The following CHRNG variants were observed in gnomAD, a reference collection of about 807,000 sequenced individuals.
CHRNG encodes the protein cholinergic receptor nicotinic gamma subunit.
A neutral mutation model predicts 65.2 loss-of-function variants in CHRNG; 72 were observed. The observed-to-expected ratio is 1.10, with a 90% CI of 0.91 to 1.34. The LOEUF (loss-of-function observed/expected upper bound fraction) is 1.34. CHRNG is among the 40% of genes most tolerant of loss of function. CHRNG has a pLI of 0.00. For synonymous variants in CHRNG, 284 were observed against 290.2 expected, an observed-to-expected ratio of 0.98 and a Z score of 0.22; for missense variants, 637 against 680.1, an observed-to-expected ratio of 0.94 and a Z score of 0.70.
In CHRNG at chr2:232,541,672, C is replaced by G; in HGVS notation, c.506+143C>G. On this transcript the variant is annotated intron_variant, in intron 5 of 11. Coordinates refer to ENST00000651502, the MANE Select transcript of CHRNG (RefSeq NM_005199.5). This position sits in a 1 kb window ranked among gnomAD's most constrained non-coding sequence, Gnocchi z 4.0. ...CTCCATCTCCCCTGGGCCTCTGTGC[C>G]CATCTCAGGCTAAGACACCTGAAGG... The G allele has an allele frequency of 9.8e-7, 1 of 1,025,524 alleles. No homozygotes were observed. The highest frequency in any genetic ancestry group is 1.5e-6 in the Non-Finnish European group (1 of 671,330). 63.5% of individuals were successfully genotyped at this position (1,025,524 alleles called of 1,614,324 possible). A position where few individuals can be genotyped will look rare whatever the true frequency, so the allele number is the denominator to read the frequency against.
At chr2:232,545,507 G>A (rs538496703) in intron 11 of CHRNG, 36 bp from the exon 12 acceptor site, 22 of 1,597,972 alleles carry the variant, frequency 1.4e-5, no homozygotes, top group Admixed American at 8.5e-5. Flanking sequence ...ACCTGGTGCC[G>A]CCGCTGGTTA....
chr2:232,547,554 T>C lies in CHRNG; in HGVS notation c.*1838T>C, dbSNP rs531316394. 1.3e-5 allele frequency among the ~76,000 whole-genome samples: 2 copies of C among 152,332 alleles called. No homozygotes were observed. The highest frequency in any genetic ancestry group is 3.9e-4 in the East Asian group (2 of 5,190). The stretch of plus-strand genomic sequence containing the variant: ...AAGCACAGGATTGCTGTCTTTGGGA[T>C]TCAATCACCAGCAAGTTCGTATTAT... On this transcript the variant is annotated 3_prime_UTR_variant, in exon 12 of 12. Transcript: ENST00000651502.
At position 232,540,128 on chromosome 2, in the gene CHRNG, C is replaced by T. The variant is rs1478126283; in HGVS notation, c.192C>T (p.Ser64=). 2 of 1,614,164 alleles carry T rather than the reference C, an allele frequency of 1.2e-6. No homozygotes were observed. Among genetic ancestry groups the T allele is most frequent in the African/African-American group, 2.7e-5 (2 of 75,050 alleles). ...SLKLTLTNLI[S]LNEREEALTT... ...AGCTAACCCTCACCAACCTCATCTCCCTGGTAAGCCGCAGGACGGAGGAGG... is the reference window on the plus strand; with the variant it reads ...AGCTAACCCTCACCAACCTCATCTCTCTGGTAAGCCGCAGGACGGAGGAGG... The change falls in exon 2 of 12, where the codon TCC becomes TCT. Residue 64 remains serine (S), a synonymous_variant. Coordinates refer to ENST00000651502, the MANE Select transcript of CHRNG (RefSeq NM_005199.5). This position sits in a 1 kb window ranked among gnomAD's most constrained non-coding sequence, Gnocchi z 4.2.
At position 232,547,999 on chromosome 2, in the gene CHRNG, TTA is replaced by T. The variant is rs539316975; in HGVS notation, c.*2285_*2286del. 3.7e-4 allele frequency: 171 copies of T among 456,746 alleles called. No individual in the cohort carries two copies. Among genetic ancestry groups the T allele is most frequent in the Non-Finnish European group, 3.3e-4 (86 of 261,530 alleles). The allele number at this position is 456,746 out of a possible 1,614,324, so 28.3% of individuals were successfully genotyped here. On this transcript the variant is annotated 3_prime_UTR_variant, in exon 12 of 12. Coordinates refer to ENST00000651502, the MANE Select transcript of CHRNG (RefSeq NM_005199.5). ...TTTGGTTTCCCAATGCATATAAAAGTTATGTTTACACTATACTGTAGACCAGC... is the reference window on the plus strand; with the variant it reads ...TTTGGTTTCCCAATGCATATAAAAGTTGTTTACACTATACTGTAGACCAGC...
rs1388000624 is a variant in CHRNG at position 232,546,976 on chromosome 2, T to C, written c.*1260T>C. Among the ~76,000 whole-genome samples the C allele has an allele frequency of 6.6e-6, 1 of 152,172 alleles. No individual in the cohort carries two copies. Among genetic ancestry groups the C allele is most frequent in the African/African-American group, 2.4e-5 (1 of 41,426 alleles). The stretch of plus-strand genomic sequence containing the variant: ...CTAATCAGGTAGTAAGGCTGGGGTC[T>C]TCCTGGGGGAGAGGCAAGGTCCTGC... On this transcript the variant is annotated 3_prime_UTR_variant, in exon 12 of 12. Coordinates refer to ENST00000651502, the MANE Select transcript of CHRNG (RefSeq NM_005199.5).
rs1692063340 is a variant in CHRNG, at chr2:232,543,566, GC to G, written c.921-16del. 6.5e-7 allele frequency: 1 copy of G among 1,529,450 alleles called. No homozygotes were observed. The highest frequency in any genetic ancestry group is 9.1e-7 in the Non-Finnish European group (1 of 1,103,442). The allele number at this position is 1,529,450 out of a possible 1,614,324, so 94.7% of individuals were successfully genotyped here. ...ATCATGGTATGGGCTGCCAGCTCCT[GC>G]CCACCCCACCCTGACAGGTACCTGA... is the stretch of plus-strand genomic sequence containing the variant. On this transcript the variant is annotated intron_variant, in intron 8 of 11. Transcript: ENST00000651502.
At chr2:232,544,923 G>C (rs1440080332) in intron 11 of CHRNG, 21 bp downstream of exon 11, 1 of 1,613,636 alleles carries the variant, frequency 6.2e-7, no homozygotes, top group African/African-American at 1.3e-5. Context: ...TCAGGGTGGG[G>C]TGGAGGTGGA....
chr2:232,540,471 C>T lies in CHRNG; in HGVS notation c.240+46C>T. 6.2e-7 allele frequency: 1 copy of T among 1,610,486 alleles called. No homozygotes were observed. Among genetic ancestry groups the T allele is most frequent in the Non-Finnish European group, 8.5e-7 (1 of 1,178,626 alleles). Reference sequence around the variant, plus strand: ...CCTCCTTCCATCAGGGGTCCCACCCCACCACCCCAAGGCCTCCTGAGAGTT... The same window carrying T: ...CCTCCTTCCATCAGGGGTCCCACCCTACCACCCCAAGGCCTCCTGAGAGTT... On this transcript the variant is annotated intron_variant, in intron 3 of 11. Coordinates refer to ENST00000651502, the MANE Select transcript of CHRNG (RefSeq NM_005199.5). The surrounding 1 kb of genome is among the most constrained non-coding windows in gnomAD (Gnocchi z 4.2).
At position 232,542,474 on chromosome 2, in the gene CHRNG, T is replaced by C. The variant is rs1320665919; in HGVS notation, c.558T>C (p.Asp186=). ...NEIDLQLSQE[D]GQTIEWIFID... ...TTGATCTGCAGCTGAGTCAGGAAGA[T>C]GGCCAGACCATCGAGTGGATTTTCA... Residue 186 remains aspartate (D), a synonymous_variant, in exon 6 of 12, where the codon GAT becomes GAC. Transcript: ENST00000651502. 1 of 1,614,052 alleles carries C rather than the reference T, an allele frequency of 6.2e-7. No individual in the cohort carries two copies. Among genetic ancestry groups the C allele is most frequent in the Non-Finnish European group, 8.5e-7 (1 of 1,179,958 alleles).
rs1692124863 is a variant in CHRNG at position 232,545,909 on chromosome 2, C to T, written c.*193C>T. The T allele has an allele frequency of 5.8e-6, 4 of 694,454 alleles. No individual in the cohort carries two copies. Among genetic ancestry groups the T allele is most frequent in the Non-Finnish European group, 1.0e-5 (4 of 394,388 alleles). 43.0% of individuals were successfully genotyped at this position (694,454 alleles called of 1,614,324 possible). Reference sequence around the variant, plus strand: ...AGTCCGAGAGTGGTTGGGGGTGGGCCGTGGCTAGTGTCCTGCTGCAGTCAG... The same window carrying T: ...AGTCCGAGAGTGGTTGGGGGTGGGCTGTGGCTAGTGTCCTGCTGCAGTCAG... On this transcript the variant is annotated 3_prime_UTR_variant, in exon 12 of 12. Transcript: ENST00000651502.
rs1692152908 is a variant in CHRNG, at chr2:232,547,464, C to T, written c.*1748C>T. On this transcript the variant is annotated 3_prime_UTR_variant, in exon 12 of 12. Transcript: ENST00000651502. Reference sequence around the variant, plus strand: ...AACTGAAAAAAGAAAAGTGAAAGTGCCACATAAAGGCCTGACGACAGGATA... The same window carrying T: ...AACTGAAAAAAGAAAAGTGAAAGTGTCACATAAAGGCCTGACGACAGGATA... Among the ~76,000 whole-genome samples, 1 of 152,056 alleles carries T rather than the reference C, an allele frequency of 6.6e-6. No individual in the cohort carries two copies. Among genetic ancestry groups the T allele is most frequent in the East Asian group, 1.9e-4 (1 of 5,194 alleles).
intron 11 of CHRNG, 58 bp downstream of exon 11, chr2:232,544,960 T>G: frequency 6.2e-7 from 1 of 1,609,064 alleles, no homozygotes. Flanking sequence ...GGAACCGTGA[T>G]AGAGACAGGA....
Position 232,541,989 on chromosome 2 carries a change from G to C in CHRNG, c.507-434G>C. 3.1e-6 allele frequency: 1 copy of C among 318,254 alleles called. No individual in the cohort carries two copies. 19.7% of individuals were successfully genotyped at this position (318,254 alleles called of 1,614,324 possible). On this transcript the variant is annotated intron_variant, in intron 5 of 11. Coordinates refer to ENST00000651502, the MANE Select transcript of CHRNG (RefSeq NM_005199.5). This position sits in a 1 kb window ranked among gnomAD's most constrained non-coding sequence, Gnocchi z 4.0. The stretch of plus-strand genomic sequence containing the variant: ...GGTCTGTTTCCTCAAACCTAAGTGT[G>C]GGGAGGAGGGCCCGGGGGAGGGTTC...
chr2:232,544,626 C>T (rs759227113), intron 10 of CHRNG, 46 bp downstream of exon 10: 1 of 1,581,546 alleles, frequency 6.3e-7, no homozygotes, highest in South Asian at 1.1e-5. Flanking sequence ...CCCTGGGACC[C>T]CAGCTGGGGA....
chr2:232,539,961 C>T (rs774841465), intron 1 of CHRNG, 31 bp from the exon 2 acceptor site: 76 of 1,613,886 alleles, frequency 4.7e-5, no homozygotes, highest in Non-Finnish European at 6.1e-5. Context: ...CACCTCCAAG[C>T]TCCTGCTAGG....
rs1692000058 is a variant in CHRNG at position 232,540,817 on chromosome 2, A to T, written c.350+106A>T. 3 of 1,053,566 alleles carry T rather than the reference A, an allele frequency of 2.8e-6. No homozygotes were observed. Among genetic ancestry groups the T allele is most frequent in the Non-Finnish European group, 4.2e-6 (3 of 708,784 alleles). 65.3% of individuals were successfully genotyped at this position (1,053,566 alleles called of 1,614,324 possible). On this transcript the variant is annotated intron_variant, in intron 4 of 11. Transcript: ENST00000651502. The surrounding 1 kb of genome is among the most constrained non-coding windows in gnomAD (Gnocchi z 4.2). ...AGAGAAAGATGAGCAGAGGGTGCAA[A>T]TCGGGCACCTGTGGGGCTAGGGAAG...
chr2:232,543,442 C>A (rs1197609728), intron 8 of CHRNG, 53 bp downstream of exon 8: 7 of 1,372,002 alleles, frequency 5.1e-6, no homozygotes, highest in East Asian at 2.3e-5. Flanking sequence ...TTCTTGGGAG[C>A]ATGATGGCCT....
rs139633799 is a variant in CHRNG, at chr2:232,540,698, G to A, written c.337G>A (p.Val113Met). The A allele has an allele frequency of 1.2e-4, 201 of 1,611,406 alleles. No homozygotes were observed. The highest frequency in any genetic ancestry group is 1.6e-4 in the Non-Finnish European group (193 of 1,179,682). ...PSTMVWRPDIVLENNVDGVFE... is the reference protein window; with the variant it reads ...PSTMVWRPDIMLENNVDGVFE... Reference sequence around the variant, plus strand: ...CACCATGGTGTGGCGGCCGGATATCGTGCTGGAGAACAAGTGAGGAGGGGG... The same window carrying A: ...CACCATGGTGTGGCGGCCGGATATCATGCTGGAGAACAAGTGAGGAGGGGG... The change falls in exon 4 of 12, where the codon GTG (valine) becomes ATG (methionine). Residue 113 changes from valine to methionine, a missense_variant. Val to Met is a conservative substitution (Grantham distance 21). Transcript: ENST00000651502. The surrounding 1 kb of genome is among the most constrained non-coding windows in gnomAD (Gnocchi z 4.2).
At chr2:232,544,602 T>G (rs1423955802) in intron 10 of CHRNG, 22 bp downstream of exon 10, 1 of 1,600,320 alleles carries the variant, frequency 6.2e-7, no homozygotes, top group Non-Finnish European at 8.6e-7. Context: ...CAGGTGTGCC[T>G]GGGGACAGTC....
Sources: allele counts gnomAD v4.1 joint callset (sites outside exome capture counted in the v4.1 genomes callset), GRCh38; gene constraint gnomAD v4.1.1; non-coding constraint Gnocchi (gnomAD v3.1); transcripts MANE v1.5; gene names NCBI Gene and HGNC (gene_info 2026-07-23, HGNC 2026-07-21).